Variants in PCF11 observed in about 807,000 individuals in gnomAD.
The protein encoded by PCF11 is pre-mRNA cleavage complex 2 protein Pcf11.
PCF11 carries 19 observed loss-of-function variants against 166.1 expected under a neutral mutation model. The observed-to-expected ratio is 0.11, with a 90% CI of 0.08 to 0.17. PCF11 has a LOEUF of 0.17. Among genes scored for constraint, PCF11 ranks in the 10% least tolerant of loss-of-function variants. The probability of loss-of-function intolerance (pLI) is 1.00; values close to 1 mark genes in which losing one functional copy is unlikely to be tolerated. For synonymous variants in PCF11, 663 were observed against 644.1 expected (o/e 1.03, Z -0.44); for missense variants, 1,565 against 1,855.5 (o/e 0.84, Z 2.88).
chr11:83,163,594 T>C (rs1481919557), intron 2 of PCF11, 85 bp from the exon 3 acceptor site: 2 of 455,982 alleles, frequency 4.4e-6, no homozygotes, highest in Admixed American at 8.1e-5. Flanking sequence ...GTATGTGAAG[T>C]AGAGCAGATT....
rs761724695 is a variant in PCF11 at position 83,167,355 on chromosome 11, A to AT, written c.2002-53dup. The AT allele has an allele frequency of 5.2e-6, 8 of 1,537,138 alleles. No individual in the cohort carries two copies. Among genetic ancestry groups the AT allele is most frequent in the Admixed American group, 2.2e-5 (1 of 46,290 alleles). On this transcript the variant is annotated intron_variant, in intron 6 of 15. Coordinates refer to ENST00000298281, the Ensembl canonical transcript of PCF11. This position sits in a 1 kb window ranked among gnomAD's most constrained non-coding sequence, Gnocchi z 4.2. The stretch of plus-strand genomic sequence containing the variant: ...ATGTAGTCATCATTATCTATCGTCT[A>AT]TTTTTTTGGTATTTTTTTATATTTA...
chr11:83,173,283 C>T (rs986814813), intron 9 of PCF11, among the ~76,000 whole-genome samples: 5 of 152,068 alleles, frequency 3.3e-5, no homozygotes, highest in South Asian at 2.1e-4. Flanking sequence ...GGTGAAACCT[C>T]GTCTCTACTA....
intron 11 of PCF11, among the ~76,000 whole-genome samples, chr11:83,179,082 T>C (rs1246325987): frequency 6.6e-6 from 1 of 152,082 alleles, no homozygotes; most frequent in Non-Finnish European, 1.5e-5. Flanking sequence ...TTTTTTAAAT[T>C]TGAATTAGAT....
chr11:83,166,198 A>T (rs762905418), exon 5 of PCF11: 4 of 1,612,392 alleles, frequency 2.5e-6, no homozygotes, highest in Non-Finnish European at 3.4e-6. Context: ...AAAGATGAGC[A>T]CATGAAGTCA....
chr11:83,166,423 G>A, exon 5 of PCF11: 1 of 1,613,958 alleles, frequency 6.2e-7, no homozygotes, highest in Admixed American at 1.7e-5. Context: ...AGGCAAAGAA[G>A]TATGTCTCCA....
chr11:83,163,829 T>C, exon 3 of PCF11: 1 of 1,560,112 alleles, frequency 6.4e-7, no homozygotes, highest in African/African-American at 1.4e-5. Context: ...TGTGAATACG[T>C]CTAGCATCCA....
intron 8 of PCF11, among the ~76,000 whole-genome samples, chr11:83,170,660 G>T (rs1370092333): frequency 6.6e-6 from 1 of 152,156 alleles, no homozygotes; most frequent in Non-Finnish European, 1.5e-5. Flanking sequence ...AAGGCAGTAT[G>T]TTTACAATTT....
At chr11:83,166,697 T>C in exon 5 of PCF11, 1 of 1,597,274 alleles carries the variant, frequency 6.3e-7, no homozygotes, top group South Asian at 1.1e-5. Flanking sequence ...GGAAATCTGG[T>C]TGGGAAGAAA....
chr11:83,170,587 A>G (rs1351614668), intron 8 of PCF11, among the ~76,000 whole-genome samples: 1 of 152,208 alleles, frequency 6.6e-6, no homozygotes, highest in African/African-American at 2.4e-5. Context: ...ATGCACTGTT[A>G]CCTGTTGGTA....
chr11:83,177,775 A>G (rs758288023), exon 11 of PCF11: 18 of 1,540,868 alleles, frequency 1.2e-5, no homozygotes, highest in Non-Finnish European at 1.6e-5. Context: ...ATGAAGATCA[A>G]GATGTTCCAG....
intron 1 of PCF11, among the ~76,000 whole-genome samples, chr11:83,159,915 T>C (rs561686460): frequency 6.6e-6 from 1 of 152,268 alleles, no homozygotes; most frequent in East Asian, 1.9e-4. Flanking sequence ...TTAACAGACT[T>C]TGGTGTTTAA....
At chr11:83,161,479 GT>G (rs759260353) in intron 2 of PCF11, 27 bp downstream of exon 2, 100 of 1,473,154 alleles carry the variant, frequency 6.8e-5, no homozygotes, top group Admixed American at 2.7e-4. Flanking sequence ...AAACATTTGC[GT>G]TTTTTTTTAA....
intron 11 of PCF11, among the ~76,000 whole-genome samples, chr11:83,178,812 CAA>C (rs747677105): frequency 0.013 from 1,479 of 111,046 alleles, 30 homozygotes; most frequent in African/African-American, 0.043. Flanking sequence ...GACTGTGTCT[CAA>C]AAAAAAAAAA....
intron 9 of PCF11, among the ~76,000 whole-genome samples, chr11:83,176,498 T>A (rs12049907): frequency 0.1 from 15,282 of 152,158 alleles, 910 homozygotes; most frequent in Middle Eastern, 0.21. Flanking sequence ...ATGGAGTACT[T>A]TGCAGCCATA....
chr11:83,176,686 G>C (rs544443257), intron 9 of PCF11, among the ~76,000 whole-genome samples: 5 of 152,102 alleles, frequency 3.3e-5, no homozygotes, highest in Admixed American at 3.3e-4. Context: ...GGCACAGTCG[G>C]GGGGTGGGGG....
intron 11 of PCF11, chr11:83,180,019 A>G (rs909126171): frequency 2.0e-5 from 3 of 151,918 alleles, no homozygotes; most frequent in African/African-American, 7.3e-5. Context: ...TTCAGTATTA[A>G]TATTGTGACT....
chr11:83,158,412 T>G (rs1431426080), intron 1 of PCF11: 6 of 152,232 alleles, frequency 3.9e-5, no homozygotes, highest in Non-Finnish European at 7.3e-5. Flanking sequence ...TTGCAGTTTC[T>G]CTGAAAAGTT....
At chr11:83,164,175 G>A (rs372978952) in intron 3 of PCF11, 32 bp from the exon 4 acceptor site, 60 of 1,532,902 alleles carry the variant, frequency 3.9e-5, no homozygotes, top group Middle Eastern at 1.7e-4. Context: ...TAGCTGATAC[G>A]TTTTTCTTAA....
At chr11:83,161,221 G>C (rs1860240467) in intron 1 of PCF11, 106 bp from the exon 2 acceptor site, 1 of 801,592 alleles carries the variant, frequency 1.2e-6, no homozygotes, top group Non-Finnish European at 1.9e-6. Context: ...AAAATATTTA[G>C]TATCAACAAA....
Sources: allele counts gnomAD v4.1 joint callset (sites outside exome capture counted in the v4.1 genomes callset), GRCh38; gene constraint gnomAD v4.1.1; non-coding constraint Gnocchi (gnomAD v3.1); transcripts MANE v1.5; gene names NCBI Gene and HGNC (gene_info 2026-07-23, HGNC 2026-07-21).